QSOX1: variants seen among roughly 807,000 people sequenced by gnomAD.
The protein encoded by QSOX1 is quiescin sulfhydryl oxidase 1.
Under a neutral mutation model 76.1 loss-of-function variants are expected in QSOX1, and 40 were observed. The ratio of observed to expected loss-of-function variants is 0.53; its 90% CI spans 0.41 to 0.68. QSOX1 has a LOEUF of 0.68. Among genes scored for constraint, QSOX1 ranks in the 30% least tolerant of loss-of-function variants. The pLI is 0.00. For missense variants in QSOX1, 931 were observed against 974.3 expected (o/e 0.96, Z 0.59); for synonymous variants, 392 against 413.1 (o/e 0.95, Z 0.62).
chr1:180,184,160 G>T, intron 7 of QSOX1, 110 bp downstream of exon 7: 2 of 1,391,460 alleles, frequency 1.4e-6, no homozygotes, highest in Non-Finnish European at 2.0e-6. Flanking sequence ...CATATGATTA[G>T]TGTGTACATT....
intron 10 of QSOX1, among the ~76,000 whole-genome samples, chr1:180,192,205 C>G (rs898935202): frequency 4.6e-5 from 7 of 152,104 alleles, no homozygotes; most frequent in South Asian, 2.1e-4. Context: ...AAAGGACAAG[C>G]CTGGTGTGTG....
At position 180,197,622 on chromosome 1, in the gene QSOX1, G is replaced by A. The variant is rs1274990138; in HGVS notation, c.*585G>A. The A allele has an allele frequency of 5.9e-6, 3 of 508,910 alleles. No individual in the cohort carries two copies. Among genetic ancestry groups the A allele is most frequent in the Admixed American group, 6.5e-5 (2 of 30,688 alleles). The allele number at this position is 508,910 out of a possible 1,614,324, so 31.5% of individuals were successfully genotyped here. A position where few individuals can be genotyped will look rare whatever the true frequency, so the allele number is the denominator to read the frequency against. On this transcript the variant is annotated 3_prime_UTR_variant, in exon 12 of 12. Coordinates refer to ENST00000367602, the MANE Select transcript of QSOX1 (RefSeq NM_002826.5). ...TTCAGGGTGGGGTTTGGAAGCTTCT[G>A]GAAGTCGTGCTGGTCTCCCAGGTGA...
In QSOX1 at chr1:180,199,146, C is replaced by G. The variant is rs1036519439; in HGVS notation, c.*2109C>G. ...CAAGCCTCTTTTCGCCCGGCCCCAG[C>G]CCCTCTGGTTGATAAACGGGTGGGC... On this transcript the variant is annotated 3_prime_UTR_variant, in exon 12 of 12. Transcript: ENST00000367602. 24 of 152,322 alleles carry G rather than the reference C, an allele frequency of 1.6e-4. No homozygotes were observed. Among genetic ancestry groups the G allele is most frequent in the Admixed American group, 1.4e-3 (21 of 15,284 alleles). The allele number at this position is 152,322 out of a possible 1,614,324, so 9.4% of individuals were successfully genotyped here. A position where few individuals can be genotyped will look rare whatever the true frequency, so the allele number is the denominator to read the frequency against.
intron 1 of QSOX1, among the ~76,000 whole-genome samples, chr1:180,160,206 A>G (rs1050928745): frequency 6.6e-6 from 1 of 152,166 alleles, no homozygotes; most frequent in African/African-American, 2.4e-5. Flanking sequence ...TGAAGAGATC[A>G]AAGAATGAGC....
rs1057441838 is a variant in QSOX1 at position 180,166,509 on chromosome 1, A to G, written c.284A>G (p.Tyr95Cys). Residue 95 changes from tyrosine to cysteine, a missense_variant, in exon 2 of 12, where the codon TAT becomes TGT. Tyr to Cys is a radical substitution (Grantham distance 194). Transcript: ENST00000367602. ...EDVKAWRPAL[Y>C]LAALDCAEET... is the part of the protein sequence containing the mutation. ...CTTTCAGCCTGGAGGCCGGCCCTGT[A>G]TCTCGCCGCCCTGGACTGTGCTGAG... 1.9e-6 allele frequency: 3 copies of G among 1,614,006 alleles called. No homozygotes were observed. Among genetic ancestry groups the G allele is most frequent in the Non-Finnish European group, 2.5e-6 (3 of 1,179,978 alleles).
chr1:180,186,193 C>T lies in QSOX1; in HGVS notation c.1017+11C>T. The T allele has an allele frequency of 6.2e-7, 1 of 1,607,568 alleles. No homozygotes were observed. Among genetic ancestry groups the T allele is most frequent in the Non-Finnish European group, 8.5e-7 (1 of 1,176,956 alleles). On this transcript the variant is annotated intron_variant, in intron 8 of 11. Coordinates refer to ENST00000367602, the MANE Select transcript of QSOX1 (RefSeq NM_002826.5). ...GCAGTGCTGGCCAAGGTGAGCAGGG[C>T]CATGGCTTCCCTTGTCTGTGCAATT...
Position 180,196,700 on chromosome 1 carries a change from C to A in QSOX1, c.1907C>A (p.Pro636Gln), listed in dbSNP as rs199822437. ...AELQRNEQEQ[P>Q]LGQWHLSKRD... ...CTTCAGAGGAATGAGCAGGAGCAGCCGCTTGGGCAGTGGCACTTGAGCAAG... is the reference window on the plus strand; with the variant it reads ...CTTCAGAGGAATGAGCAGGAGCAGCAGCTTGGGCAGTGGCACTTGAGCAAG... The change falls in exon 12 of 12, where the codon CCG (proline) becomes CAG (glutamine). Residue 636 changes from proline to glutamine, a missense_variant. Physicochemically the swap from Pro to Gln is moderately conservative, Grantham distance 76 (BLOSUM62 -1). Coordinates refer to ENST00000367602, the MANE Select transcript of QSOX1 (RefSeq NM_002826.5). The surrounding 1 kb of genome is among the most constrained non-coding windows in gnomAD (Gnocchi z 4.1). The A allele has an allele frequency of 1.1e-5, 17 of 1,613,954 alleles. No individual in the cohort carries two copies. Among genetic ancestry groups the A allele is most frequent in the Non-Finnish European group, 1.4e-5 (17 of 1,180,050 alleles).
Position 180,200,581 on chromosome 1 carries a change from A to G in QSOX1, c.*3544A>G, listed in dbSNP as rs1041667711. ...GTATGCTGTTGGAGAATTGATGTGTATGATTTATTGAACTTTGCACTCATT... is the reference window on the plus strand; with the variant it reads ...GTATGCTGTTGGAGAATTGATGTGTGTGATTTATTGAACTTTGCACTCATT... On this transcript the variant is annotated 3_prime_UTR_variant, in exon 12 of 12. Coordinates refer to ENST00000367602, the MANE Select transcript of QSOX1 (RefSeq NM_002826.5). 2.6e-5 allele frequency: 4 copies of G among 152,196 alleles called. No homozygotes were observed. The highest frequency in any genetic ancestry group is 9.7e-5 in the African/African-American group (4 of 41,424). The allele number at this position is 152,196 out of a possible 1,614,324, so 9.4% of individuals were successfully genotyped here.
At chr1:180,195,997 G>A (rs1663473517) in intron 11 of QSOX1, among the ~76,000 whole-genome samples, 1 of 152,188 alleles carries the variant, frequency 6.6e-6, no homozygotes, top group Admixed American at 6.5e-5. Context: ...GACTGAGATG[G>A]CGCTCTTCAC....
rs1244894316 is a variant in QSOX1 at position 180,189,598 on chromosome 1, A to C, written c.1064A>C (p.Asn355Thr). 6.2e-7 allele frequency: 1 copy of C among 1,613,346 alleles called. No individual in the cohort carries two copies. Among genetic ancestry groups the C allele is most frequent in the East Asian group, 2.2e-5 (1 of 44,862 alleles). The change falls in exon 9 of 12, where the codon AAT (asparagine) becomes ACT (threonine). Residue 355 changes from asparagine (N) to threonine (T), a missense_variant. Physicochemically the swap from Asn to Thr is moderately conservative, Grantham distance 65. Coordinates refer to ENST00000367602, the MANE Select transcript of QSOX1 (RefSeq NM_002826.5). ...PLVQNFLHSV[N>T]EWLKRQKRNK... Reference sequence around the variant, plus strand: ...GTCCAGAACTTCCTGCACTCCGTGAATGAATGGCTCAAGAGGCAGAAGAGA... The same window carrying C: ...GTCCAGAACTTCCTGCACTCCGTGACTGAATGGCTCAAGAGGCAGAAGAGA...
intron 1 of QSOX1, among the ~76,000 whole-genome samples, chr1:180,165,403 CTCT>C (rs1244675024): frequency 6.6e-6 from 1 of 152,252 alleles, no homozygotes; most frequent in African/African-American, 2.4e-5. Flanking sequence ...CCAGTCTGGT[CTCT>C]TCTTGCTCCC....
chr1:180,183,184 C>G (rs188307955), intron 6 of QSOX1, among the ~76,000 whole-genome samples: 2 of 152,078 alleles, frequency 1.3e-5, no homozygotes, highest in East Asian at 3.9e-4. Flanking sequence ...ATCTGCTCAC[C>G]GAGAAACCCA....
intron 8 of QSOX1, among the ~76,000 whole-genome samples, chr1:180,187,308 A>G (rs1663198685): frequency 1.3e-5 from 2 of 152,232 alleles, no homozygotes; most frequent in African/African-American, 4.8e-5. Flanking sequence ...GTCCATTGCC[A>G]TAATAGAGAC....
rs757632701 is a variant in QSOX1 at position 180,194,313 on chromosome 1, C to T, written c.1389C>T (p.Ser463=). ...ASHFEQMAAA[S]MHRVGSPNAA... is the part of the protein sequence containing the mutation. ...ACTTCGAGCAGATGGCTGCTGCCTC[C>T]ATGCACCGGGTGGGGAGTCCCAACG... The change falls in exon 11 of 12, where the codon TCC becomes TCT. Residue 463 remains serine, a synonymous_variant. Coordinates refer to ENST00000367602, the MANE Select transcript of QSOX1 (RefSeq NM_002826.5). The T allele has an allele frequency of 6.8e-6, 11 of 1,611,286 alleles. No individual in the cohort carries two copies. Among genetic ancestry groups the T allele is most frequent in the Non-Finnish European group, 8.5e-6 (10 of 1,178,182 alleles).
chr1:180,159,596 T>C (rs1490190888), intron 1 of QSOX1, among the ~76,000 whole-genome samples: 1 of 152,220 alleles, frequency 6.6e-6, no homozygotes, highest in Non-Finnish European at 1.5e-5. Flanking sequence ...CTGAAGAAAG[T>C]AGAAACAGAT....
At chr1:180,190,659 A>G (rs1343365510) in intron 10 of QSOX1, 79 bp downstream of exon 10, 2 of 1,415,618 alleles carry the variant, frequency 1.4e-6, no homozygotes, top group Non-Finnish European at 1.9e-6. Context: ...GGGGCAGGGA[A>G]GCTCCCTTGA....
intron 1 of QSOX1, among the ~76,000 whole-genome samples, chr1:180,160,362 A>G (rs951189951): frequency 6.6e-6 from 1 of 151,206 alleles, no homozygotes; most frequent in Non-Finnish European, 1.5e-5. Flanking sequence ...TAGCAGTTCT[A>G]TTATCTAGTA....
intron 5 of QSOX1, 42 bp downstream of exon 5, chr1:180,178,926 GGA>G (rs766863661): frequency 1.7e-5 from 26 of 1,553,198 alleles, no homozygotes; most frequent in South Asian, 8.9e-5. Context: ...GGATAGCCAT[GGA>G]GAGAGAGCCC....
In QSOX1 at chr1:180,195,000, G is replaced by GGGC. The variant is rs1553275534; in HGVS notation, c.1468+610_1468+611insCGG. On this transcript the variant is annotated intron_variant, in intron 11 of 11. Transcript: ENST00000367602. ...CACGTGGCTGTGACAGCCTCCCGGGGGGGGGAGACCAGGGCGGAGCCGAGG... is the reference window on the plus strand; with the variant it reads ...CACGTGGCTGTGACAGCCTCCCGGGGGGCGGGGGAGACCAGGGCGGAGCCGAGG... 7.9e-5 allele frequency among the ~76,000 whole-genome samples: 12 copies of GGGC among 151,318 alleles called. No individual in the cohort carries two copies. In the East Asian group the frequency reaches 2.4e-3, roughly 31 times the overall value.
Sources: gnomAD v4.1 joint callset for allele counts (sites outside exome capture counted in the v4.1 genomes callset) on GRCh38, gnomAD v4.1.1 for gene constraint, Gnocchi (gnomAD v3.1) non-coding constraint, MANE v1.5 for transcripts, NCBI Gene and HGNC (gene_info 2026-07-23, HGNC 2026-07-21) for gene names.